Variants in KLHL15 observed in about 807,000 individuals in gnomAD.
KLHL15 encodes kelch like family member 15.
A neutral mutation model predicts 29.3 loss-of-function variants in KLHL15; 1 was observed. That is an observed-to-expected ratio of 0.03 (90% CI 0.01 to 0.16). KLHL15 has a LOEUF of 0.16. Among genes scored for constraint, KLHL15 ranks in the 10% least tolerant of loss-of-function variants. The pLI, the probability that KLHL15 is intolerant of heterozygous loss-of-function variation, is 1.00. For missense variants in KLHL15, 215 were observed against 478.5 expected (o/e 0.45, Z 5.14); for synonymous variants, 212 against 184.5 (o/e 1.15, Z -1.21).
intron 3 of KLHL15, among the ~76,000 whole-genome samples, chrX:23,994,095 T>C (rs1256424322): frequency 9.2e-6 from 1 of 109,254 alleles, no homozygotes; most frequent in East Asian, 2.8e-4. Flanking sequence ...CCACCCTCTC[T>C]ATTCAGGTAA....
rs922355242 is a variant in KLHL15, at chrX:23,983,834, G to A, written c.*4087C>T. On this transcript the variant is annotated 3_prime_UTR_variant, in exon 4 of 4. Transcript: ENST00000328046. ...ACATGTTTGAATAGATTATATCCACGGCTTGGGAAAAATTACCTGACAAAA... is the reference window on the plus strand; with the variant it reads ...ACATGTTTGAATAGATTATATCCACAGCTTGGGAAAAATTACCTGACAAAA... The A allele has an allele frequency of 9.0e-6, 1 of 111,242 alleles. No individual in the cohort carries two copies. Among genetic ancestry groups the A allele is most frequent in the East Asian group, 2.8e-4 (1 of 3,578 alleles). The allele number at this position is 111,242 out of a possible 1,213,427, so 9.2% of individuals were successfully genotyped here. A position where few individuals can be genotyped will look rare whatever the true frequency, so the allele number is the denominator to read the frequency against.
chrX:23,995,380 C>T (rs1257585942), intron 3 of KLHL15, among the ~76,000 whole-genome samples: 1 of 88,895 alleles, frequency 1.1e-5, no homozygotes, highest in Non-Finnish European at 2.1e-5. Flanking sequence ...GCACTCCAGC[C>T]TGGGCAACAG....
chrX:23,996,600 T>C (rs1228117511), intron 3 of KLHL15, among the ~76,000 whole-genome samples: 1 of 110,999 alleles, frequency 9.0e-6, no homozygotes, highest in East Asian at 2.8e-4. Flanking sequence ...GAGGCAGAGG[T>C]TGCAGTGAGC....
chrX:23,996,528 T>C (rs1462750735), intron 3 of KLHL15, among the ~76,000 whole-genome samples: 1 of 110,869 alleles, frequency 9.0e-6, no homozygotes, highest in Admixed American at 9.6e-5. Context: ...CTGGGCGTGG[T>C]GGGGGGCACC....
rs1431135206 is a variant in KLHL15 at position 23,985,899 on chromosome X, GCTAA to G, written c.*2018_*2021del. 1.9e-5 allele frequency: 2 copies of G among 107,751 alleles called. No homozygotes were observed. The highest frequency in any genetic ancestry group is 3.8e-5 in the Non-Finnish European group (2 of 52,404). The allele number at this position is 107,751 out of a possible 1,213,427, so 8.9% of individuals were successfully genotyped here. A position where few individuals can be genotyped will look rare whatever the true frequency, so the allele number is the denominator to read the frequency against. On this transcript the variant is annotated 3_prime_UTR_variant, in exon 4 of 4. Coordinates refer to ENST00000328046, the MANE Select transcript of KLHL15 (RefSeq NM_030624.3). ...AACTAATGTAGAAAAAAATTAAATG[GCTAA>G]CTTATTCCTAACTTTCAAAAATAAA...
intron 2 of KLHL15, among the ~76,000 whole-genome samples, chrX:24,019,337 A>G (rs984382829): frequency 3.6e-5 from 4 of 111,007 alleles, no homozygotes; most frequent in African/African-American, 1.3e-4. Flanking sequence ...GATCTCTGCA[A>G]CCTCTGCTCC....
intron 3 of KLHL15, among the ~76,000 whole-genome samples, chrX:23,998,867 T>C (rs1035748921): frequency 7.2e-5 from 8 of 111,624 alleles, no homozygotes; most frequent in Non-Finnish European, 1.5e-4. Flanking sequence ...ATTTGTTTTT[T>C]TCTTCCAATT....
chrX:24,011,828 A>G (rs1602012692), intron 2 of KLHL15, among the ~76,000 whole-genome samples: 1 of 111,795 alleles, frequency 8.9e-6, no homozygotes, highest in East Asian at 2.8e-4. Flanking sequence ...GAAAAAGTCT[A>G]AAAGGATAGA....
chrX:24,005,657 G>T (rs1929431898), intron 3 of KLHL15, among the ~76,000 whole-genome samples: 1 of 111,956 alleles, frequency 8.9e-6, no homozygotes, highest in Non-Finnish European at 1.9e-5. Context: ...CGATTTAATT[G>T]ATGAAATGAA....
At chrX:24,016,958 G>A (rs1048765443) in intron 2 of KLHL15, among the ~76,000 whole-genome samples, 10 of 110,822 alleles carry the variant, frequency 9.0e-5, no homozygotes, top group Non-Finnish European at 1.7e-4. Flanking sequence ...TAATGTCCAC[G>A]GGTGAACTGA....
At chrX:24,012,406 G>C (rs1167034195) in intron 2 of KLHL15, among the ~76,000 whole-genome samples, 1 of 111,355 alleles carries the variant, frequency 9.0e-6, no homozygotes, top group Non-Finnish European at 1.9e-5. Context: ...ATGACACTGT[G>C]CTCCTGATTC....
chrX:24,013,919 T>C (rs899295187), intron 2 of KLHL15, among the ~76,000 whole-genome samples: 2 of 110,580 alleles, frequency 1.8e-5, no homozygotes, highest in African/African-American at 6.6e-5. Context: ...ATTTTGATAC[T>C]ATATATTTTT....
At chrX:24,003,620 A>G (rs1394250862) in intron 3 of KLHL15, among the ~76,000 whole-genome samples, 6 of 102,116 alleles carry the variant, frequency 5.9e-5, no homozygotes, top group Admixed American at 5.3e-4. Flanking sequence ...CGGTAAGAGC[A>G]CTTAGTACAT....
chrX:24,009,435 T>C (rs1250870330), intron 2 of KLHL15, among the ~76,000 whole-genome samples: 5 of 108,031 alleles, frequency 4.6e-5, no homozygotes, highest in Non-Finnish European at 9.6e-5. Context: ...GAGGCGGAGG[T>C]TGCAGTGAGC....
intron 2 of KLHL15, among the ~76,000 whole-genome samples, chrX:24,010,161 G>A (rs1407948289): frequency 9.0e-6 from 1 of 110,545 alleles, no homozygotes; most frequent in East Asian, 2.8e-4. Flanking sequence ...ACCCCACTTG[G>A]ACCTGTTCCT....
In KLHL15 at chrX:23,985,698, G is replaced by C. The variant is rs978911572; in HGVS notation, c.*2223C>G. 27 of 112,463 alleles carry C rather than the reference G, an allele frequency of 2.4e-4. No homozygotes were observed. The highest frequency in any genetic ancestry group is 8.4e-4 in the African/African-American group (26 of 31,006). 9.3% of individuals were successfully genotyped at this position (112,463 alleles called of 1,213,427 possible). A position where few individuals can be genotyped will look rare whatever the true frequency, so the allele number is the denominator to read the frequency against. On this transcript the variant is annotated 3_prime_UTR_variant, in exon 4 of 4. Coordinates refer to ENST00000328046, the MANE Select transcript of KLHL15 (RefSeq NM_030624.3). The stretch of plus-strand genomic sequence containing the variant: ...TTGCCCAGATGTCACCCTGACTAGG[G>C]TCATGAAGTCATATCTAAGCAATTA...
At position 23,985,667 on chromosome X, in the gene KLHL15, A is replaced by C. The variant is rs967945724; in HGVS notation, c.*2254T>G. The C allele has an allele frequency of 8.9e-6, 1 of 112,634 alleles. No individual in the cohort carries two copies. The highest frequency in any genetic ancestry group is 3.2e-5 in the African/African-American group (1 of 31,069). The allele number at this position is 112,634 out of a possible 1,213,427, so 9.3% of individuals were successfully genotyped here. A position where few individuals can be genotyped will look rare whatever the true frequency, so the allele number is the denominator to read the frequency against. On this transcript the variant is annotated 3_prime_UTR_variant, in exon 4 of 4. Transcript: ENST00000328046. Reference sequence around the variant, plus strand: ...TTAAAATGGAAGACCAAGAATACTCAAATGTTTGCCCAGATGTCACCCTGA... The same window carrying C: ...TTAAAATGGAAGACCAAGAATACTCCAATGTTTGCCCAGATGTCACCCTGA...
chrX:23,999,526 C>T (rs1325416375), intron 3 of KLHL15, among the ~76,000 whole-genome samples: 2 of 98,757 alleles, frequency 2.0e-5, no homozygotes, highest in African/African-American at 4.0e-5. Context: ...ACCTGGGAGG[C>T]GGAGCTTGCA....
At chrX:23,999,425 C>A (rs1454768654) in intron 3 of KLHL15, among the ~76,000 whole-genome samples, 1 of 107,775 alleles carries the variant, frequency 9.3e-6, no homozygotes, top group Non-Finnish European at 1.9e-5. Flanking sequence ...GAAACCCCGT[C>A]TCTACTAAAA....
Sources: allele counts gnomAD v4.1 joint callset (sites outside exome capture counted in the v4.1 genomes callset), GRCh38; gene constraint gnomAD v4.1.1; transcripts MANE v1.5; gene names NCBI Gene and HGNC (gene_info 2026-07-23, HGNC 2026-07-21).